Variants in SHROOM4 observed in about 807,000 individuals in gnomAD.
The protein encoded by SHROOM4 is protein Shroom4.
A neutral mutation model predicts 80.3 loss-of-function variants in SHROOM4; 17 were observed. The observed-to-expected ratio is 0.21, with a 90% CI of 0.14 to 0.32. The LOEUF (loss-of-function observed/expected upper bound fraction) is 0.32. SHROOM4 is among the 10% of genes least tolerant of loss of function. The pLI, the probability that SHROOM4 is intolerant of heterozygous loss-of-function variation, is 1.00. For synonymous variants in SHROOM4, 400 were observed against 437.5 expected (o/e 0.91, Z 1.07); for missense variants, 993 against 1,140.3 (o/e 0.87, Z 1.86).
intron 2 of SHROOM4, among the ~76,000 whole-genome samples, chrX:50,655,630 CTTTA>C (rs1298157819): frequency 2.8e-5 from 3 of 106,046 alleles, no homozygotes; most frequent in Non-Finnish European, 5.8e-5. Context: ...TAAATTCATT[CTTTA>C]TTCATTCATT....
chrX:50,795,019 T>TTA lies in SHROOM4; in HGVS notation c.117+18881_117+18882dup, dbSNP rs782518622. 1.5e-3 allele frequency among the ~76,000 whole-genome samples: 65 copies of TTA among 43,946 alleles called. 3 individuals carry two copies. Among genetic ancestry groups the TTA allele is most frequent in the South Asian group, 3.7e-3 (2 of 543 alleles). The allele number at this position is 43,946 out of a possible 115,157, so 38.2% of individuals were successfully genotyped here. ...GATAACAACATCTTTATATATATCT[T>TTA]TATATATATCATATATATCTCATAT... On this transcript the variant is annotated intron_variant, in intron 1 of 8. Transcript: ENST00000376020.
intron 1 of SHROOM4, among the ~76,000 whole-genome samples, chrX:50,713,593 C>T (rs1005053503): frequency 9.9e-5 from 11 of 111,446 alleles, no homozygotes; most frequent in African/African-American, 3.3e-4. Flanking sequence ...CATGATTGCA[C>T]CACTGTACTC....
At chrX:50,739,306 G>T (rs1557266987) in intron 1 of SHROOM4, among the ~76,000 whole-genome samples, 2 of 111,512 alleles carry the variant, frequency 1.8e-5, no homozygotes, top group African/African-American at 6.5e-5. Flanking sequence ...AAAAGCAATG[G>T]CAACAAAAGC....
chrX:50,734,347 C>T (rs1284233857), intron 1 of SHROOM4, among the ~76,000 whole-genome samples: 3 of 111,675 alleles, frequency 2.7e-5, no homozygotes, highest in African/African-American at 9.8e-5. Context: ...GAATAAAGTA[C>T]GAGGGCTCAC....
rs1928802483 is a variant in SHROOM4, at chrX:50,588,403, C to T, written c.*8292G>A. ...CATTGGGTACTTATTGTCCTAAGTA[C>T]TTTGCATGGATTAACTCAATAATTC... On this transcript the variant is annotated 3_prime_UTR_variant, in exon 9 of 9. Transcript: ENST00000376020. Among the ~76,000 whole-genome samples, 1 of 111,990 alleles carries T rather than the reference C, an allele frequency of 8.9e-6. No homozygotes were observed. The highest frequency in any genetic ancestry group is 3.2e-5 in the African/African-American group (1 of 30,782).
chrX:50,663,129 C>T (rs1004807383), intron 2 of SHROOM4, among the ~76,000 whole-genome samples: 5 of 111,671 alleles, frequency 4.5e-5, no homozygotes, highest in African/African-American at 1.6e-4. Context: ...TGACCTCTCA[C>T]TTAAATACCA....
At chrX:50,666,598 A>ATT in intron 2 of SHROOM4, among the ~76,000 whole-genome samples, 1 of 111,846 alleles carries the variant, frequency 8.9e-6, no homozygotes, top group Non-Finnish European at 1.9e-5. Context: ...TGAGAGAGAG[A>ATT]GGAGGTGGGG....
At chrX:50,698,882 C>A (rs941910974) in intron 1 of SHROOM4, among the ~76,000 whole-genome samples, 1 of 111,931 alleles carries the variant, frequency 8.9e-6, no homozygotes, top group South Asian at 3.7e-4. Context: ...CATATTCTTC[C>A]GTAAAAGGTT....
At chrX:50,641,123 C>G (rs1931581191) in intron 2 of SHROOM4, among the ~76,000 whole-genome samples, 1 of 112,041 alleles carries the variant, frequency 8.9e-6, no homozygotes, top group Admixed American at 9.5e-5. Flanking sequence ...ACCATCTCCT[C>G]CAGGAAGCTT....
At chrX:50,720,538 C>T (rs1197250476) in intron 1 of SHROOM4, among the ~76,000 whole-genome samples, 3 of 112,125 alleles carry the variant, frequency 2.7e-5, no homozygotes, top group East Asian at 5.6e-4. Flanking sequence ...AACCTTTTTG[C>T]CTTGTAGTGA....
At chrX:50,618,373 T>C (rs1167995309) in intron 5 of SHROOM4, among the ~76,000 whole-genome samples, 29 of 41,822 alleles carry the variant, frequency 6.9e-4, no homozygotes, top group African/African-American at 3.2e-3. Context: ...CCTTCCTTCC[T>C]TCCTTCCTTC....
rs149009610 is a variant in SHROOM4 at position 50,757,570 on chromosome X, C to T, written c.117+56332G>A. ...AGGTGCAGTGGCTCATGCCTGTAAT[C>T]CCAGCACTTTGGGAGGCCAAGGTGG... On this transcript the variant is annotated intron_variant, in intron 1 of 8. Transcript: ENST00000376020. Among the ~76,000 whole-genome samples the T allele has an allele frequency of 8.0e-3, 895 of 111,963 alleles. 7 individuals carry two copies. Among genetic ancestry groups the T allele is most frequent in the Non-Finnish European group, 0.013 (709 of 53,195 alleles).
At chrX:50,803,453 G>T (rs1936168791) in intron 1 of SHROOM4, among the ~76,000 whole-genome samples, 1 of 111,896 alleles carries the variant, frequency 8.9e-6, no homozygotes, top group Non-Finnish European at 1.9e-5. Flanking sequence ...TGAACAAACT[G>T]GTCTCAGTCT....
At chrX:50,719,576 T>C (rs1173533203) in intron 1 of SHROOM4, among the ~76,000 whole-genome samples, 1 of 112,033 alleles carries the variant, frequency 8.9e-6, no homozygotes, top group African/African-American at 3.2e-5. Flanking sequence ...TGCTCTCTTG[T>C]TGTGTTCAGA....
intron 1 of SHROOM4, among the ~76,000 whole-genome samples, chrX:50,736,355 C>A (rs1253611062): frequency 9.0e-6 from 1 of 110,941 alleles, no homozygotes; most frequent in Non-Finnish European, 1.9e-5. Flanking sequence ...AACCCATCAC[C>A]TAGGTATTAA....
chrX:50,781,250 A>T (rs1935620262), intron 1 of SHROOM4, among the ~76,000 whole-genome samples: 1 of 111,815 alleles, frequency 8.9e-6, no homozygotes, highest in Non-Finnish European at 1.9e-5. Context: ...ACACACCCAG[A>T]AATAATGTCT....
At chrX:50,732,459 G>C (rs1934394259) in intron 1 of SHROOM4, among the ~76,000 whole-genome samples, 1 of 111,465 alleles carries the variant, frequency 9.0e-6, no homozygotes, top group African/African-American at 3.3e-5. Flanking sequence ...ATAAAACAGA[G>C]AATGGAAAAA....
chrX:50,652,758 G>C (rs1932153055), intron 2 of SHROOM4, among the ~76,000 whole-genome samples: 1 of 112,050 alleles, frequency 8.9e-6, no homozygotes. Context: ...GTGTAAGGAA[G>C]GGGTCCAGTT....
chrX:50,755,708 G>A lies in SHROOM4; in HGVS notation c.117+58194C>T, dbSNP rs142199968. Among the ~76,000 whole-genome samples, 422 of 111,649 alleles carry A rather than the reference G, an allele frequency of 3.8e-3. 2 individuals are homozygous for A. The highest frequency in any genetic ancestry group is 0.013 in the African/African-American group (389 of 30,742). On this transcript the variant is annotated intron_variant, in intron 1 of 8. Coordinates refer to ENST00000376020, the MANE Select transcript of SHROOM4 (RefSeq NM_020717.5). ...CAGGAGAAAAGAACTTTAGGATAGAGGTGAACGCACAAGCCAGAATGCTGA... is the reference window on the plus strand; with the variant it reads ...CAGGAGAAAAGAACTTTAGGATAGAAGTGAACGCACAAGCCAGAATGCTGA...
Sources: allele counts gnomAD v4.1 joint callset (sites outside exome capture counted in the v4.1 genomes callset), GRCh38; gene constraint gnomAD v4.1.1; transcripts MANE v1.5; gene names NCBI Gene and HGNC (gene_info 2026-07-23, HGNC 2026-07-21).